CACNA1A: variants seen among roughly 807,000 people sequenced by gnomAD.
CACNA1A encodes voltage-dependent P/Q-type calcium channel subunit alpha-1A.
In CACNA1A, 57 loss-of-function variants were observed where a neutral mutation model predicts 262.4. The ratio of observed to expected loss-of-function variants is 0.22; its 90% CI spans 0.18 to 0.27. CACNA1A has a LOEUF of 0.27. Among genes scored for constraint, CACNA1A ranks in the 10% least tolerant of loss-of-function variants. CACNA1A has a pLI of 1.00. For missense variants in CACNA1A, 2,526 were observed against 3,562.8 expected (o/e 0.71, Z 7.41); for synonymous variants, 1,431 against 1,419.3 (o/e 1.01, Z -0.18).
intron 3 of CACNA1A, among the ~76,000 whole-genome samples, chr19:13,393,812 CTCTCTCT>C (rs2059762874): frequency 1.0e-5 from 1 of 97,226 alleles, no homozygotes; most frequent in Non-Finnish European, 2.1e-5. Flanking sequence ...CCTCCTTCCT[CTCTCTCT>C]CTCTCTCTCT....
intron 11 of CACNA1A, chr19:13,316,095 T>A (rs1390759990): frequency 6.6e-6 from 1 of 152,200 alleles, no homozygotes; most frequent in Non-Finnish European, 1.5e-5. Flanking sequence ...GTAGCTGGGA[T>A]TACAGGTGTG....
intron 3 of CACNA1A, among the ~76,000 whole-genome samples, chr19:13,441,685 A>G (rs1217393441): frequency 6.7e-6 from 1 of 150,228 alleles, no homozygotes; most frequent in African/African-American, 2.5e-5. Flanking sequence ...AAAAAAAAAA[A>G]GAGTCTCGGT....
rs141360619 is a variant in CACNA1A, at chr19:13,241,125, T to C, written c.4950+4057A>G. The stretch of plus-strand genomic sequence containing the variant: ...TTGGCAGCTTTCCTGGGGCCTGGGG[T>C]CCATGGAGCTGAATGGGGGACAGGA... On this transcript the variant is annotated intron_variant, in intron 31 of 46. Transcript: ENST00000360228. This position sits in a 1 kb window ranked among gnomAD's most constrained non-coding sequence, Gnocchi z 4.0. Among the ~76,000 whole-genome samples the C allele has an allele frequency of 3.0e-3, 459 of 151,772 alleles. 1 individual carries two copies. The highest frequency in any genetic ancestry group is 0.011 in the African/African-American group (439 of 41,352).
At chr19:13,455,512 T>C (rs2060990142) in intron 1 of CACNA1A, among the ~76,000 whole-genome samples, 1 of 152,110 alleles carries the variant, frequency 6.6e-6, no homozygotes, top group Non-Finnish European at 1.5e-5. Context: ...AGGGACACAG[T>C]TGAGAGCAAA....
At chr19:13,387,116 T>C (rs559256771) in intron 3 of CACNA1A, among the ~76,000 whole-genome samples, 118 of 152,136 alleles carry the variant, frequency 7.8e-4, no homozygotes, top group African/African-American at 2.6e-3. Context: ...CACGCCTGGC[T>C]AATTTTTGTA....
intron 10 of CACNA1A, among the ~76,000 whole-genome samples, chr19:13,318,956 C>T (rs8106030): frequency 6.8e-6 from 1 of 148,074 alleles, no homozygotes; most frequent in Non-Finnish European, 1.5e-5. Context: ...TGGCTTGATC[C>T]TAGCTCACTG....
chr19:13,297,538 G>T (rs765042143), intron 19 of CACNA1A, among the ~76,000 whole-genome samples: 4 of 151,992 alleles, frequency 2.6e-5, no homozygotes, highest in Non-Finnish European at 4.4e-5. Flanking sequence ...GGCTGAGTGT[G>T]GTGGCTCAAC....
At chr19:13,368,460 G>A (rs879585705) in intron 4 of CACNA1A, among the ~76,000 whole-genome samples, 24 of 151,122 alleles carry the variant, frequency 1.6e-4, no homozygotes, top group Middle Eastern at 3.4e-3. Context: ...AGCCTCCCGA[G>A]TAGGTGGGAC....
intron 1 of CACNA1A, among the ~76,000 whole-genome samples, chr19:13,476,782 A>G (rs1978597062): frequency 6.6e-6 from 1 of 152,180 alleles, no homozygotes; most frequent in Admixed American, 6.5e-5. Context: ...ACTCATTATT[A>G]TCTCCACAGA....
intron 3 of CACNA1A, among the ~76,000 whole-genome samples, chr19:13,442,744 G>A (rs964895473): frequency 9.2e-5 from 14 of 152,162 alleles, no homozygotes; most frequent in African/African-American, 2.7e-4. Flanking sequence ...TAACCATGGC[G>A]CTAGGCCAAT....
intron 3 of CACNA1A, among the ~76,000 whole-genome samples, chr19:13,402,769 CATAT>C (rs979718303): frequency 1.6e-5 from 2 of 126,204 alleles, no homozygotes; most frequent in African/African-American, 6.4e-5. Flanking sequence ...CATATATATA[CATAT>C]ATATACATAT....
chr19:13,455,049 C>G (rs1380943567), intron 2 of CACNA1A, 58 bp downstream of exon 2: 1 of 1,076,842 alleles, frequency 9.3e-7, no homozygotes, highest in Non-Finnish European at 1.4e-6. Flanking sequence ...TCCACTCCCC[C>G]AAAAATTAAT....
chr19:13,208,496 G>A (rs1289949901), intron 46 of CACNA1A, among the ~76,000 whole-genome samples: 1 of 149,136 alleles, frequency 6.7e-6, no homozygotes, highest in Non-Finnish European at 1.5e-5. Context: ...CCACAACCGA[G>A]GAGCAAGCAG....
chr19:13,224,931 T>C, intron 37 of CACNA1A, 159 bp from the exon 38 acceptor site: 1 of 571,058 alleles, frequency 1.8e-6, no homozygotes, highest in Non-Finnish European at 3.1e-6. Flanking sequence ...GTACTCAGTT[T>C]CTCTTGGTGG....
At chr19:13,482,600 G>A (rs938188690) in intron 1 of CACNA1A, among the ~76,000 whole-genome samples, 9 of 152,062 alleles carry the variant, frequency 5.9e-5, no homozygotes, top group Admixed American at 3.9e-4. Flanking sequence ...TCTTCTCCAT[G>A]GACTGAATTT....
At chr19:13,482,208 G>A (rs1382722269) in intron 1 of CACNA1A, among the ~76,000 whole-genome samples, 5 of 152,132 alleles carry the variant, frequency 3.3e-5, no homozygotes, top group South Asian at 2.1e-4. Context: ...TAAGGAGGCC[G>A]GGTGCGGTGG....
intron 1 of CACNA1A, among the ~76,000 whole-genome samples, chr19:13,487,387 G>A (rs1333490669): frequency 6.6e-6 from 1 of 152,118 alleles, no homozygotes; most frequent in African/African-American, 2.4e-5. Flanking sequence ...GTCTCACCTG[G>A]ATGGCGAGAG....
intron 1 of CACNA1A, among the ~76,000 whole-genome samples, chr19:13,482,746 C>CTGAAGGAAATGT (rs1979484978): frequency 6.6e-6 from 1 of 152,116 alleles, no homozygotes; most frequent in Non-Finnish European, 1.5e-5. Flanking sequence ...TCACTGGGCT[C>CTGAAGGAAATGT]CCAGCCCTCT....
Position 13,212,043 on chromosome 19 carries a change from CT to C in CACNA1A, c.6303+59del. 7.9e-7 allele frequency: 1 copy of C among 1,264,266 alleles called. No individual in the cohort carries two copies. The highest frequency in any genetic ancestry group is 2.3e-5 in the East Asian group (1 of 42,918). 78.3% of individuals were successfully genotyped at this position (1,264,266 alleles called of 1,614,324 possible). On this transcript the variant is annotated intron_variant, in intron 43 of 46. Coordinates refer to ENST00000360228, the MANE Select transcript of CACNA1A (RefSeq NM_001127222.2). The surrounding 1 kb of genome is among the most constrained non-coding windows in gnomAD (Gnocchi z 5.6). Reference sequence around the variant, plus strand: ...TGCACTGGGCTGCTTGTGGGGGGGCCTGGCCCTACCCAGTGCAGAGTGAGGG... The same window carrying C: ...TGCACTGGGCTGCTTGTGGGGGGGCCGGCCCTACCCAGTGCAGAGTGAGGG...
Sources: gnomAD v4.1 joint callset for allele counts (sites outside exome capture counted in the v4.1 genomes callset) on GRCh38, gnomAD v4.1.1 for gene constraint, Gnocchi (gnomAD v3.1) non-coding constraint, MANE v1.5 for transcripts, NCBI Gene and HGNC (gene_info 2026-07-23, HGNC 2026-07-21) for gene names.